KRT6B: variants seen among roughly 807,000 people sequenced by gnomAD.
The protein encoded by KRT6B is keratin 6B, also known as keratin, type II cytoskeletal 6B.
A neutral mutation model predicts 44.7 loss-of-function variants in KRT6B; 29 were observed. The observed-to-expected ratio is 0.65, with a 90% CI of 0.48 to 0.88. The LOEUF is 0.88. Among genes scored for constraint, KRT6B ranks in the 40% least tolerant of loss-of-function variants. The probability of loss-of-function intolerance (pLI) is 0.00; values close to 1 mark genes in which losing one functional copy is unlikely to be tolerated. For missense variants in KRT6B, 600 were observed against 724.0 expected, an observed-to-expected ratio of 0.83 and a Z score of 1.97; for synonymous variants, 213 against 296.0, an observed-to-expected ratio of 0.72 and a Z score of 2.88.
chr12:52,447,640 G>C, intron 7 of KRT6B, 67 bp from the exon 8 acceptor site: 1 of 1,613,960 alleles, frequency 6.2e-7, no homozygotes, highest in Non-Finnish European at 8.5e-7. Context: ...CAGTGGGTGG[G>C]AAAGTCCATG....
At chr12:52,451,363 T>A (rs997920453) in intron 1 of KRT6B, among the ~76,000 whole-genome samples, 176 bp downstream of exon 1, 1 of 149,716 alleles carries the variant, frequency 6.7e-6, no homozygotes, top group African/African-American at 2.5e-5. Flanking sequence ...AGATATCCCA[T>A]GGGGGAGTGA....
chr12:52,451,475 A>AAGGTGTTG, intron 1 of KRT6B, 64 bp downstream of exon 1: 1 of 1,613,016 alleles, frequency 6.2e-7, no homozygotes, highest in South Asian at 1.1e-5. Flanking sequence ...CTCCGGCAGG[A>AAGGTGTTG]AGGTGTTGCT....
At chr12:52,450,680 A>G (rs1940389478) in intron 1 of KRT6B, 60 bp from the exon 2 acceptor site, 3 of 1,613,196 alleles carry the variant, frequency 1.9e-6, no homozygotes, top group Admixed American at 1.7e-5. Flanking sequence ...AGTGTCTGGT[A>G]TCCAGTTTCC....
At chr12:52,449,354 T>A in intron 5 of KRT6B, 115 bp downstream of exon 5, 1 of 1,462,878 alleles carries the variant, frequency 6.8e-7, no homozygotes, top group Admixed American at 1.7e-5. Flanking sequence ...AGAGTGCATG[T>A]CCTGTGAGAG....
Position 52,446,830 on chromosome 12 carries a change from A to C in KRT6B, c.*360T>G. On this transcript the variant is annotated 3_prime_UTR_variant, in exon 9 of 9. Transcript: ENST00000252252. ...ACTCCTGAGTGTAGCTATAATGGGC[A>C]GGATGGTTAGCAATTAAAGAGAGGA... 7 of 337,092 alleles carry C rather than the reference A, an allele frequency of 2.1e-5. No individual in the cohort carries two copies. The highest frequency in any genetic ancestry group is 3.3e-5 in the Non-Finnish European group (6 of 180,230). The allele number at this position is 337,092 out of a possible 1,614,324, so 20.9% of individuals were successfully genotyped here.
intron 4 of KRT6B, 28 bp from the exon 5 acceptor site, chr12:52,449,661 C>T: frequency 6.2e-7 from 1 of 1,614,250 alleles, no homozygotes; most frequent in Non-Finnish European, 8.5e-7. Context: ...ATAAGATCAA[C>T]TTCACTTCTG....
rs142940927 is a variant in KRT6B, at chr12:52,447,894, C to T, written c.1308G>A (p.Lys436=). 7.3e-3 allele frequency: 11,774 copies of T among 1,614,156 alleles called. 448 individuals are homozygous for T. The African/African-American group carries it at 0.11, about 15-fold the overall frequency. ...KLEGLEDALQ[K]AKQDLARLLK... The stretch of plus-strand genomic sequence containing the variant: ...GCAGCCGGGCCAGGTCCTGCTTGGC[C>T]TTCTGCAGGGCATCCTCCAGCCCTT... Residue 436 remains lysine, a synonymous_variant, in exon 7 of 9, where the codon AAG becomes AAA. Transcript: ENST00000252252.
rs1355925345 is a variant in KRT6B at position 52,446,968 on chromosome 12, AAG to A, written c.*220_*221del. On this transcript the variant is annotated 3_prime_UTR_variant, in exon 9 of 9. Transcript: ENST00000252252. ...TACCTGTAATAATACGGGAACTAAA[AAG>A]GACATTCGCATGTCTGAGTGCTGAT... 1.6e-5 allele frequency: 10 copies of A among 609,278 alleles called. No individual in the cohort carries two copies. The African/African-American group carries it at 1.7e-4, about 10-fold the overall frequency. 37.7% of individuals were successfully genotyped at this position (609,278 alleles called of 1,614,324 possible). A position where few individuals can be genotyped will look rare whatever the true frequency, so the allele number is the denominator to read the frequency against.
chr12:52,448,457 G>A, intron 6 of KRT6B, among the ~76,000 whole-genome samples: 1 of 152,072 alleles, frequency 6.6e-6, no homozygotes, highest in East Asian at 1.9e-4. Context: ...TCATAGCCCT[G>A]GTTTCACTTG....
At chr12:52,448,752 C>G (rs1940350778) in intron 6 of KRT6B, 90 bp downstream of exon 6, 1 of 1,607,498 alleles carries the variant, frequency 6.2e-7, no homozygotes, top group Non-Finnish European at 8.5e-7. Context: ...CAATCAATTC[C>G]CAAAGAATTT....
At chr12:52,451,389 C>T in intron 1 of KRT6B, 150 bp downstream of exon 1, 3 of 1,252,108 alleles carry the variant, frequency 2.4e-6, no homozygotes, top group Non-Finnish European at 2.3e-6. Context: ...ATCTGTGCTG[C>T]CTCCTGTGCA....
chr12:52,447,975 A>T lies in KRT6B; in HGVS notation c.1227T>A (p.Ile409=). 6.2e-7 allele frequency: 1 copy of T among 1,614,174 alleles called. No individual in the cohort carries two copies. Among genetic ancestry groups the T allele is most frequent in the Non-Finnish European group, 8.5e-7 (1 of 1,180,036 alleles). Residue 409 remains isoleucine, a synonymous_variant, in exon 7 of 9, where the codon ATT becomes ATA. Transcript: ENST00000252252. The stretch of plus-strand genomic sequence containing the variant: ...TCTCCCCACGCTGCTCAGCATCAGC[A>T]ATGGCGGCCTGTAGGTTGGCACACT... ...KKQCANLQAA[I]ADAEQRGEMA...
chr12:52,448,453 C>T (rs1360189085), intron 6 of KRT6B, among the ~76,000 whole-genome samples: 1 of 152,174 alleles, frequency 6.6e-6, no homozygotes, highest in South Asian at 2.1e-4. Context: ...TTCCTCATAG[C>T]CCTGGTTTCA....
intron 6 of KRT6B, among the ~76,000 whole-genome samples, chr12:52,448,406 G>A (rs564166584): frequency 1.3e-5 from 2 of 152,262 alleles, no homozygotes; most frequent in East Asian, 3.9e-4. Context: ...CCTTCCTCCT[G>A]CCTCACATCC....
In KRT6B at chr12:52,447,887, G is replaced by C. The variant is rs1484837114; in HGVS notation, c.1315C>G (p.Gln439Glu). ...GLEDALQKAK[Q>E]DLARLLKEYQ... Reference sequence around the variant, plus strand: ...TCCTTCAGCAGCCGGGCCAGGTCCTGCTTGGCCTTCTGCAGGGCATCCTCC... The same window carrying C: ...TCCTTCAGCAGCCGGGCCAGGTCCTCCTTGGCCTTCTGCAGGGCATCCTCC... The change falls in exon 7 of 9, where the codon CAG becomes GAG. Residue 439 changes from glutamine (Q) to glutamate (E), a missense_variant. This residue lies in a region of KRT6B where 479 missense variants were observed against 454.2 expected (regional missense o/e 1.05). Coordinates refer to ENST00000252252, the MANE Select transcript of KRT6B (RefSeq NM_005555.4). 1 of 1,614,188 alleles carries C rather than the reference G, an allele frequency of 6.2e-7. No homozygotes were observed. Among genetic ancestry groups the C allele is most frequent in the Admixed American group, 1.7e-5 (1 of 60,032 alleles).
Position 52,447,263 on chromosome 12 carries a change from G to T in KRT6B, c.1622C>A (p.Ser541Tyr). ...SGRATGGGLS[S>Y]VGGGSSTIKY... ...GATGGTGGAACTGCCGCCTCCAACA[G>T]AGCTGAGGCCACCCCCAGTGGCTCT... is the stretch of plus-strand genomic sequence containing the variant. The change falls in exon 9 of 9, where the codon TCT becomes TAT. Residue 541 changes from serine (S) to tyrosine (Y), a missense_variant. Ser to Tyr is a moderately radical substitution (Grantham distance 144). Coordinates refer to ENST00000252252, the MANE Select transcript of KRT6B (RefSeq NM_005555.4). 4 of 1,614,034 alleles carry T rather than the reference G, an allele frequency of 2.5e-6. No individual in the cohort carries two copies. Among genetic ancestry groups the T allele is most frequent in the Non-Finnish European group, 3.4e-6 (4 of 1,179,900 alleles).
In KRT6B at chr12:52,449,485, G is replaced by T; in HGVS notation, c.1061C>A (p.Ser354Tyr). The T allele has an allele frequency of 6.2e-7, 1 of 1,614,116 alleles. No homozygotes were observed. Among genetic ancestry groups the T allele is most frequent in the South Asian group, 1.1e-5 (1 of 91,076 alleles). ...CGTGCTCACCTTTGTCTGGTACCAG[G>T]ACTCAGCCTCAGCCCTGCTCCTCTG... The part of the protein sequence containing the change: ...IAQRSRAEAE[S>Y]WYQTKYEELQ... Residue 354 changes from serine to tyrosine, a missense_variant, in exon 5 of 9, where the codon TCC becomes TAC. Physicochemically the swap from Ser to Tyr is moderately radical, Grantham distance 144. Around this residue, in one of 4 missense-constraint regions of KRT6B, gnomAD observed 479 missense variants for 454.2 expected, o/e 1.05. Coordinates refer to ENST00000252252, the MANE Select transcript of KRT6B (RefSeq NM_005555.4).
At chr12:52,450,965 A>G (rs1249950936) in intron 1 of KRT6B, among the ~76,000 whole-genome samples, 1 of 152,008 alleles carries the variant, frequency 6.6e-6, no homozygotes, top group African/African-American at 2.4e-5. Context: ...TACCGAGAGG[A>G]TCTTAGTTAG....
chr12:52,448,973 G>A lies in KRT6B; in HGVS notation c.1078-6C>T, dbSNP rs775733295. On this transcript the variant is annotated splice_region_variant and splice_polypyrimidine_tract_variant and intron_variant, in intron 5 of 8. Coordinates refer to ENST00000252252, the MANE Select transcript of KRT6B (RefSeq NM_005555.4). Reference sequence around the variant, plus strand: ...GTGATCTGCAGCTCCTCGTACTGCAGCCCAGAGGTGGAGAGAGAGACAGTG... The same window carrying A: ...GTGATCTGCAGCTCCTCGTACTGCAACCCAGAGGTGGAGAGAGAGACAGTG... 3.7e-6 allele frequency: 6 copies of A among 1,612,570 alleles called. No individual in the cohort carries two copies. The East Asian group carries it at 6.7e-5, about 18-fold the overall frequency.
Sources: gnomAD v4.1 joint callset for allele counts (sites outside exome capture counted in the v4.1 genomes callset) on GRCh38, gnomAD v4.1.1 for gene constraint, gnomAD v4.1.1 regional missense constraint, MANE v1.5 for transcripts, NCBI Gene and HGNC (gene_info 2026-07-23, HGNC 2026-07-21) for gene names.